ESYT2: variants seen among roughly 807,000 people sequenced by gnomAD.
The protein encoded by ESYT2 is extended synaptotagmin 2, also known as extended synaptotagmin-2.
A neutral mutation model predicts 107.2 loss-of-function variants in ESYT2; 54 were observed. That is an observed-to-expected ratio of 0.50 (90% CI 0.40 to 0.63). ESYT2 has a LOEUF of 0.63. ESYT2 is among the 30% of genes least tolerant of loss of function. The probability of loss-of-function intolerance (pLI) is 0.00; values close to 1 mark genes in which losing one functional copy is unlikely to be tolerated. For synonymous variants in ESYT2, 491 were observed against 434.1 expected, an observed-to-expected ratio of 1.13 and a Z score of -1.63; for missense variants, 1,020 against 1,094.5, an observed-to-expected ratio of 0.93 and a Z score of 0.96.
chr7:158,737,289 G>T, intron 19 of ESYT2, 110 bp from the exon 20 acceptor site: 1 of 1,383,812 alleles, frequency 7.2e-7, no homozygotes, highest in Non-Finnish European at 9.7e-7. Flanking sequence ...TCTACAAACC[G>T]AGAAGCAACA....
rs67422901 is a variant in ESYT2 at position 158,809,474 on chromosome 7, C to CAAAAAAAAA, written c.331-10411_331-10403dup. Among the ~76,000 whole-genome samples, 474 of 49,698 alleles carry CAAAAAAAAA rather than the reference C, an allele frequency of 9.5e-3. 14 individuals are homozygous for CAAAAAAAAA. Among genetic ancestry groups the CAAAAAAAAA allele is most frequent in the Non-Finnish European group, 0.013 (377 of 29,972 alleles). The allele number at this position is 49,698 out of a possible 152,430, so 32.6% of individuals were successfully genotyped here. ...CTGGCTACAGAGTAAGAATCCATCT[C>CAAAAAAAAA]AAAAAAAAAAAAAAAAAAAAAAACC... is the stretch of plus-strand genomic sequence containing the variant. On this transcript the variant is annotated intron_variant, in intron 1 of 22. Transcript: ENST00000275418.
At chr7:158,807,835 T>C (rs1476525757) in intron 1 of ESYT2, among the ~76,000 whole-genome samples, 2 of 152,164 alleles carry the variant, frequency 1.3e-5, no homozygotes, top group African/African-American at 4.8e-5. Flanking sequence ...ACAAATTACT[T>C]TCTTCCAGCC....
At chr7:158,754,355 C>T (rs1342551672) in intron 13 of ESYT2, among the ~76,000 whole-genome samples, 1 of 152,010 alleles carries the variant, frequency 6.6e-6, no homozygotes, top group Non-Finnish European at 1.5e-5. Context: ...TACAGGCATG[C>T]ACCACCACAC....
At chr7:158,738,823 C>T (rs753928496) in intron 19 of ESYT2, among the ~76,000 whole-genome samples, 200 bp downstream of exon 19, 2 of 152,216 alleles carry the variant, frequency 1.3e-5, no homozygotes, top group African/African-American at 4.8e-5. Context: ...CGTTGTACTT[C>T]GGTGACCAAA....
intron 8 of ESYT2, among the ~76,000 whole-genome samples, chr7:158,766,450 A>G (rs1421046728): frequency 1.3e-5 from 2 of 152,156 alleles, no homozygotes; most frequent in Admixed American, 6.5e-5. Context: ...GCATTTCCAG[A>G]GGTGAGAGTC....
intron 13 of ESYT2, among the ~76,000 whole-genome samples, chr7:158,757,340 C>T (rs568365977): frequency 6.6e-6 from 1 of 152,326 alleles, no homozygotes; most frequent in South Asian, 2.1e-4. Flanking sequence ...ACAAATAGTG[C>T]TCTATAGACT....
chr7:158,733,994 A>G lies in ESYT2; in HGVS notation c.*213T>C. The G allele has an allele frequency of 1.8e-6, 1 of 569,394 alleles. No individual in the cohort carries two copies. Among genetic ancestry groups the G allele is most frequent in the Non-Finnish European group, 3.1e-6 (1 of 324,560 alleles). The allele number at this position is 569,394 out of a possible 1,614,324, so 35.3% of individuals were successfully genotyped here. On this transcript the variant is annotated 3_prime_UTR_variant, in exon 23 of 23. Transcript: ENST00000275418. Reference sequence around the variant, plus strand: ...CCGCCGCCCTACTGCACGTTGTAGGAACTGGCGAAATCCTAGAGGAAATCC... The same window carrying G: ...CCGCCGCCCTACTGCACGTTGTAGGGACTGGCGAAATCCTAGAGGAAATCC...
chr7:158,739,256 A>G (rs994396373), intron 18 of ESYT2, 135 bp from the exon 19 acceptor site: 3 of 685,560 alleles, frequency 4.4e-6, no homozygotes, highest in African/African-American at 3.6e-5. Flanking sequence ...GAACTTAAAC[A>G]TAATTTGAAA....
At chr7:158,792,515 A>AAG (rs779624034) in intron 4 of ESYT2, among the ~76,000 whole-genome samples, 50 of 151,074 alleles carry the variant, frequency 3.3e-4, no homozygotes, top group Non-Finnish European at 5.9e-4. Context: ...GTGATAAGGC[A>AAG]AGACCCTGTG....
At chr7:158,781,660 A>G (rs945903424) in intron 6 of ESYT2, among the ~76,000 whole-genome samples, 1 of 152,152 alleles carries the variant, frequency 6.6e-6, no homozygotes, top group African/African-American at 2.4e-5. Flanking sequence ...AGAACAAGTG[A>G]GAACAAGTGT....
At chr7:158,752,899 T>TTTA (rs1837628624) in intron 13 of ESYT2, 56 bp from the exon 14 acceptor site, 1 of 1,145,320 alleles carries the variant, frequency 8.7e-7, no homozygotes, top group Non-Finnish European at 1.2e-6. Context: ...TGCAATGAAG[T>TTTA]TTATGTAAGG....
chr7:158,807,413 C>G (rs1010947648), intron 1 of ESYT2, among the ~76,000 whole-genome samples: 1 of 152,106 alleles, frequency 6.6e-6, no homozygotes, highest in Non-Finnish European at 1.5e-5. Context: ...TATTCTCATG[C>G]AGATAGGAAA....
chr7:158,810,171 C>A (rs1225941904), intron 1 of ESYT2, among the ~76,000 whole-genome samples: 1 of 152,194 alleles, frequency 6.6e-6, no homozygotes, highest in Non-Finnish European at 1.5e-5. Flanking sequence ...ACTCTACCCA[C>A]ACGTATATAT....
intron 6 of ESYT2, among the ~76,000 whole-genome samples, chr7:158,777,588 C>T (rs2129472726): frequency 6.6e-6 from 1 of 152,316 alleles, no homozygotes; most frequent in South Asian, 2.1e-4. Flanking sequence ...CCTTCATCTT[C>T]TGCCATGACT....
intron 7 of ESYT2, among the ~76,000 whole-genome samples, chr7:158,768,309 T>C (rs1406522432): frequency 6.6e-6 from 1 of 152,246 alleles, no homozygotes; most frequent in African/African-American, 2.4e-5. Flanking sequence ...TGTTCTCTCT[T>C]ATCCATTATC....
Position 158,741,657 on chromosome 7 carries a change from CAGG to C in ESYT2, c.2031_2033del (p.Asp677_Leu678delinsGlu). Reference sequence around the variant, plus strand: ...CCAGGAGGCTGGAGGAGCTTCTGCCCAGGTCGTGCAGCCCCTGAGGGCCGGCCT... The same window carrying C: ...CCAGGAGGCTGGAGGAGCTTCTGCCCTCGTGCAGCCCCTGAGGGCCGGCCT... On this transcript the variant is annotated inframe_deletion, in exon 18 of 23. Coordinates refer to ENST00000275418, the MANE Select transcript of ESYT2 (RefSeq NM_001367773.1). The C allele has an allele frequency of 6.2e-7, 1 of 1,613,894 alleles. No individual in the cohort carries two copies. The highest frequency in any genetic ancestry group is 8.5e-7 in the Non-Finnish European group (1 of 1,179,992).
intron 1 of ESYT2, among the ~76,000 whole-genome samples, chr7:158,823,926 C>A (rs1260753271): frequency 6.6e-6 from 1 of 152,108 alleles, no homozygotes; most frequent in Non-Finnish European, 1.5e-5. Context: ...ATTTATATTT[C>A]AGTCCTAGCT....
At chr7:158,744,017 T>C (rs62478934) in intron 16 of ESYT2, 43,797 of 207,872 alleles carry the variant, frequency 0.21, 5,865 homozygotes, top group East Asian at 0.58. Flanking sequence ...GCGGCTGCAG[T>C]GAGCTGATAT....
chr7:158,759,384 G>A, intron 13 of ESYT2, 102 bp downstream of exon 13: 1 of 708,602 alleles, frequency 1.4e-6, no homozygotes, highest in Non-Finnish European at 2.2e-6. Flanking sequence ...AACACAACAA[G>A]AAGAGAACAG....
Sources: gnomAD v4.1 joint callset for allele counts (sites outside exome capture counted in the v4.1 genomes callset) on GRCh38, gnomAD v4.1.1 for gene constraint, MANE v1.5 for transcripts, NCBI Gene and HGNC (gene_info 2026-07-23, HGNC 2026-07-21) for gene names.